IKZF1: variants seen among roughly 807,000 people sequenced by gnomAD.
IKZF1 encodes DNA-binding protein Ikaros.
In IKZF1, 10 loss-of-function variants were observed where a neutral mutation model predicts 51.7. The ratio of observed to expected loss-of-function variants is 0.19; its 90% CI spans 0.12 to 0.33. The LOEUF is 0.33. Among genes scored for constraint, IKZF1 ranks in the 10% least tolerant of loss-of-function variants. IKZF1 has a pLI of 1.00. For synonymous variants in IKZF1, 280 were observed against 282.3 expected (o/e 0.99, Z 0.08); for missense variants, 484 against 707.5 (o/e 0.68, Z 3.58).
At chr7:50,307,433 CT>C (rs1789072006) in intron 1 of IKZF1, among the ~76,000 whole-genome samples, 1 of 152,208 alleles carries the variant, frequency 6.6e-6, no homozygotes, top group Non-Finnish European at 1.5e-5. Context: ...TCCGATGCCT[CT>C]GTTTCTAAGA....
chr7:50,349,503 A>G (rs978329241), intron 3 of IKZF1, among the ~76,000 whole-genome samples: 12 of 152,200 alleles, frequency 7.9e-5, no homozygotes, highest in Non-Finnish European at 1.5e-4. Context: ...AGGGAGTGGG[A>G]ACAAAACGTG....
chr7:50,362,580 A>G (rs773892470), intron 3 of IKZF1, among the ~76,000 whole-genome samples: 3 of 152,232 alleles, frequency 2.0e-5, no homozygotes, highest in Non-Finnish European at 4.4e-5. Context: ...CTACTAAAAC[A>G]TGAGCTACAG....
rs1818222376 is a variant in IKZF1, at chr7:50,402,057, C to T, written c.*1430C>T. 4.3e-6 allele frequency: 1 copy of T among 230,466 alleles called. No homozygotes were observed. Among genetic ancestry groups the T allele is most frequent in the African/African-American group, 2.2e-5 (1 of 45,166 alleles). 14.3% of individuals were successfully genotyped at this position (230,466 alleles called of 1,614,324 possible). ...TGGCACTGCAGGTGAGAACCCCGCC[C>T]ATCCGTGCTATGACATGGAGGCACT... On this transcript the variant is annotated 3_prime_UTR_variant, in exon 8 of 8. Coordinates refer to ENST00000331340, the MANE Select transcript of IKZF1 (RefSeq NM_006060.6).
At chr7:50,354,216 G>C (rs1802628576) in intron 3 of IKZF1, among the ~76,000 whole-genome samples, 1 of 152,204 alleles carries the variant, frequency 6.6e-6, no homozygotes, top group African/African-American at 2.4e-5. Flanking sequence ...TGAGCAGCTG[G>C]TTCATGAACG....
In IKZF1 at chr7:50,402,054, G is replaced by C. The variant is rs1336457917; in HGVS notation, c.*1427G>C. On this transcript the variant is annotated 3_prime_UTR_variant, in exon 8 of 8. Coordinates refer to ENST00000331340, the MANE Select transcript of IKZF1 (RefSeq NM_006060.6). ...AAATGGCACTGCAGGTGAGAACCCCGCCCATCCGTGCTATGACATGGAGGC... is the reference window on the plus strand; with the variant it reads ...AAATGGCACTGCAGGTGAGAACCCCCCCCATCCGTGCTATGACATGGAGGC... The C allele has an allele frequency of 4.3e-6, 1 of 230,090 alleles. No homozygotes were observed. Among genetic ancestry groups the C allele is most frequent in the East Asian group, 6.1e-5 (1 of 16,304 alleles). 14.3% of individuals were successfully genotyped at this position (230,090 alleles called of 1,614,324 possible).
At chr7:50,397,852 C>T (rs1236675452) in intron 7 of IKZF1, among the ~76,000 whole-genome samples, 1 of 152,144 alleles carries the variant, frequency 6.6e-6, no homozygotes, top group Non-Finnish European at 1.5e-5. Context: ...CGTAACTGGC[C>T]ATGCACAAGT....
intron 5 of IKZF1, among the ~76,000 whole-genome samples, chr7:50,386,672 A>T (rs932394929): frequency 1.3e-5 from 2 of 152,090 alleles, no homozygotes; most frequent in African/African-American, 2.4e-5. Context: ...AGAAATACAT[A>T]TACATAGAAA....
At chr7:50,346,064 A>C (rs753330332) in intron 3 of IKZF1, among the ~76,000 whole-genome samples, 1 of 152,244 alleles carries the variant, frequency 6.6e-6, no homozygotes, top group Non-Finnish European at 1.5e-5. Flanking sequence ...TTCTGTCTGC[A>C]TGTGCATGAA....
intron 3 of IKZF1, among the ~76,000 whole-genome samples, chr7:50,347,235 CAG>C (rs1376101037): frequency 1.3e-5 from 2 of 152,096 alleles, no homozygotes; most frequent in East Asian, 3.9e-4. Context: ...TAGTTAAAAA[CAG>C]AGCCTTTTTT....
At chr7:50,392,430 G>C (rs908397712) in intron 7 of IKZF1, among the ~76,000 whole-genome samples, 3 of 152,124 alleles carry the variant, frequency 2.0e-5, no homozygotes, top group East Asian at 1.9e-4. Context: ...CGTCTCTCTA[G>C]GAGCATTGCC....
Position 50,404,825 on chromosome 7 carries a change from A to G in IKZF1, c.*4198A>G, listed in dbSNP as rs1818740411. On this transcript the variant is annotated 3_prime_UTR_variant, in exon 8 of 8. Transcript: ENST00000331340. ...CATAGTCATAAGAATTATCCTCAAC[A>G]TAGCCTTTTGACGCTGTAAATCTTG... is the stretch of plus-strand genomic sequence containing the variant. The G allele has an allele frequency of 4.4e-6, 1 of 225,680 alleles. No individual in the cohort carries two copies. Among genetic ancestry groups the G allele is most frequent in the African/African-American group, 2.2e-5 (1 of 44,880 alleles). The allele number at this position is 225,680 out of a possible 1,614,324, so 14.0% of individuals were successfully genotyped here.
At chr7:50,304,074 G>A (rs1440510306), upstream of IKZF1, 4 of 143,978 alleles carry the variant, frequency 2.8e-5, no homozygotes, top group African/African-American at 5.0e-5. Context: ...GAGCGGGCCC[G>A]GCGCGGGCGA....
rs575638337 is a variant in IKZF1 at position 50,320,238 on chromosome 7, A to G, written c.40+1137A>G. On this transcript the variant is annotated intron_variant, in intron 2 of 7. Coordinates refer to ENST00000331340, the MANE Select transcript of IKZF1 (RefSeq NM_006060.6). ...TTAAATATAATTCTCATGAATGAGA[A>G]TTATATAATTCTCTTTTTGTATATC... Among the ~76,000 whole-genome samples, 23 of 152,274 alleles carry G rather than the reference A, an allele frequency of 1.5e-4. 1 individual carries two copies. The South Asian group carries it at 4.8e-3, about 32-fold the overall frequency.
intron 4 of IKZF1, among the ~76,000 whole-genome samples, chr7:50,381,542 C>T (rs1200035265): frequency 1.3e-5 from 2 of 152,200 alleles, no homozygotes; most frequent in African/African-American, 4.8e-5. Context: ...ACTCAGATAC[C>T]TGTTTATCCC....
chr7:50,381,390 AG>A (rs1562872195), intron 4 of IKZF1, among the ~76,000 whole-genome samples: 2 of 152,254 alleles, frequency 1.3e-5, no homozygotes, highest in Non-Finnish European at 2.9e-5. Context: ...TTCTAAATAA[AG>A]CATTTGTTTT....
intron 2 of IKZF1, among the ~76,000 whole-genome samples, chr7:50,326,625 T>C (rs569199227): frequency 6.6e-6 from 1 of 152,342 alleles, no homozygotes; most frequent in Admixed American, 6.5e-5. Context: ...TCAAATATAA[T>C]TCTAATCCAG....
chr7:50,310,082 T>C (rs1789798862), intron 1 of IKZF1, among the ~76,000 whole-genome samples: 1 of 152,244 alleles, frequency 6.6e-6, no homozygotes, highest in African/African-American at 2.4e-5. Flanking sequence ...TATATTCTAT[T>C]TCATTAAATT....
chr7:50,393,849 G>A (rs1159059577), intron 7 of IKZF1: 1 of 232,912 alleles, frequency 4.3e-6, no homozygotes, highest in Non-Finnish European at 8.5e-6. Context: ...CAGCAAGTGT[G>A]TGCAAGGGGA....
chr7:50,393,980 A>G (rs973149578), intron 7 of IKZF1: 3 of 232,516 alleles, frequency 1.3e-5, no homozygotes, highest in Admixed American at 1.1e-4. Flanking sequence ...TTGAAACCAA[A>G]GGAGAGATTC....
Sources: allele counts gnomAD v4.1 joint callset (sites outside exome capture counted in the v4.1 genomes callset), GRCh38; gene constraint gnomAD v4.1.1; transcripts MANE v1.5; gene names NCBI Gene and HGNC (gene_info 2026-07-23, HGNC 2026-07-21).